The following MSRA variants were observed in gnomAD, a reference collection of about 807,000 sequenced individuals.
MSRA encodes the protein mitochondrial peptide methionine sulfoxide reductase.
In MSRA, 54 loss-of-function variants were observed where a neutral mutation model predicts 31.3. The ratio of observed to expected loss-of-function variants is 1.73; its 90% CI spans 1.39 to 2.17. The LOEUF is 2.17. Among genes scored for constraint, MSRA ranks in the 30% most tolerant of loss-of-function variants. The pLI is 0.00. For missense variants in MSRA, 507 were observed against 300.9 expected, an observed-to-expected ratio of 1.69 and a Z score of -5.07; for synonymous variants, 169 against 116.5, an observed-to-expected ratio of 1.45 and a Z score of -2.90.
chr8:10,228,745 C>G lies in MSRA; in HGVS notation c.212-16359C>G, dbSNP rs116419035. ...CAAGTGGCCTAACCTCTCTGAATCT[C>G]TGTTTTCTCATCCTTAAGTTGGGGC... is the stretch of plus-strand genomic sequence containing the variant. On this transcript the variant is annotated intron_variant, in intron 2 of 5. Transcript: ENST00000317173. Among the ~76,000 whole-genome samples, 1,509 of 152,342 alleles carry G rather than the reference C, an allele frequency of 9.9e-3. 30 individuals carry two copies. The highest frequency in any genetic ancestry group is 0.035 in the African/African-American group (1,448 of 41,584).
intron 1 of MSRA, among the ~76,000 whole-genome samples, chr8:10,193,690 G>T (rs1053409349): frequency 2.0e-5 from 3 of 152,158 alleles, no homozygotes; most frequent in Non-Finnish European, 2.9e-5. Context: ...GCCTGTCTGT[G>T]TCGTGTGTAG....
Position 10,169,658 on chromosome 8 carries a change from A to G in MSRA, c.143-38175A>G, listed in dbSNP as rs141634829. ...AAAATGTTATTCAAAAACATTGTTCAGAAAAATGAAAAGACAAATCTTGCC... is the reference window on the plus strand; with the variant it reads ...AAAATGTTATTCAAAAACATTGTTCGGAAAAATGAAAAGACAAATCTTGCC... On this transcript the variant is annotated intron_variant, in intron 1 of 5. Transcript: ENST00000317173. Among the ~76,000 whole-genome samples, 617 of 152,370 alleles carry G rather than the reference A, an allele frequency of 4.0e-3. 8 individuals are homozygous for G. Among genetic ancestry groups the G allele is most frequent in the African/African-American group, 0.014 (579 of 41,592 alleles).
At chr8:10,412,546 T>C (rs1269052524) in intron 5 of MSRA, among the ~76,000 whole-genome samples, 1 of 152,184 alleles carries the variant, frequency 6.6e-6, no homozygotes, top group Non-Finnish European at 1.5e-5. Context: ...GGTTACGCGT[T>C]TGAAGCCAAA....
At chr8:10,232,662 G>A (rs1345573426) in intron 2 of MSRA, among the ~76,000 whole-genome samples, 1 of 152,164 alleles carries the variant, frequency 6.6e-6, no homozygotes, top group African/African-American at 2.4e-5. Flanking sequence ...GATTTCATAT[G>A]AGAACCCAAA....
chr8:10,160,322 C>T (rs143177047), intron 1 of MSRA, among the ~76,000 whole-genome samples: 2 of 151,912 alleles, frequency 1.3e-5, no homozygotes, highest in African/African-American at 2.4e-5. Flanking sequence ...AGTTAAACTC[C>T]GTCTCTACTA....
intron 1 of MSRA, among the ~76,000 whole-genome samples, chr8:10,055,482 G>C (rs1458311832): frequency 6.6e-6 from 1 of 152,230 alleles, no homozygotes; most frequent in African/African-American, 2.4e-5. Flanking sequence ...GCTTCTCAGA[G>C]TGCCCCCACC....
intron 1 of MSRA, among the ~76,000 whole-genome samples, chr8:10,136,821 C>T (rs928701462): frequency 1.3e-5 from 2 of 152,152 alleles, no homozygotes; most frequent in Non-Finnish European, 2.9e-5. Flanking sequence ...TTGCCCTCTC[C>T]TTCCCCATTC....
At chr8:10,426,227 C>G (rs962557937) in intron 5 of MSRA, among the ~76,000 whole-genome samples, 4 of 152,202 alleles carry the variant, frequency 2.6e-5, no homozygotes, top group African/African-American at 9.7e-5. Flanking sequence ...TGAAAACAGT[C>G]TGGAGCCAAA....
intron 5 of MSRA, among the ~76,000 whole-genome samples, chr8:10,363,536 A>T (rs1194131419): frequency 6.6e-6 from 1 of 152,094 alleles, no homozygotes; most frequent in Non-Finnish European, 1.5e-5. Flanking sequence ...GACGATGTAT[A>T]TTCTCACCTT....
At chr8:10,340,571 C>G (rs1437946904) in intron 5 of MSRA, among the ~76,000 whole-genome samples, 1 of 152,226 alleles carries the variant, frequency 6.6e-6, no homozygotes, top group Admixed American at 6.5e-5. Flanking sequence ...CAGGGCCTCG[C>G]CATGTTGGCC....
intron 4 of MSRA, among the ~76,000 whole-genome samples, chr8:10,314,948 T>C (rs759694154): frequency 2.0e-5 from 3 of 152,172 alleles, no homozygotes; most frequent in Non-Finnish European, 4.4e-5. Flanking sequence ...CTGGGTAATA[T>C]ATAAAGAAAA....
At chr8:10,177,010 G>A (rs1350535222) in intron 1 of MSRA, among the ~76,000 whole-genome samples, 2 of 152,234 alleles carry the variant, frequency 1.3e-5, no homozygotes, top group Non-Finnish European at 2.9e-5. Context: ...GGTTCATGAT[G>A]GAGCTCCTGT....
At chr8:10,385,789 GTT>G (rs1806351516) in intron 5 of MSRA, among the ~76,000 whole-genome samples, 1 of 145,154 alleles carries the variant, frequency 6.9e-6, no homozygotes, top group Non-Finnish European at 1.5e-5. Flanking sequence ...AACTGTGGAT[GTT>G]GTCACTCACC....
At chr8:10,343,017 C>A (rs1803528821) in intron 5 of MSRA, among the ~76,000 whole-genome samples, 1 of 136,668 alleles carries the variant, frequency 7.3e-6, no homozygotes, top group South Asian at 2.4e-4. Context: ...CTTGCATAAG[C>A]ATTACACACA....
intron 1 of MSRA, among the ~76,000 whole-genome samples, chr8:10,130,289 C>T (rs1051248059): frequency 2.0e-5 from 3 of 152,224 alleles, no homozygotes; most frequent in South Asian, 2.1e-4. Context: ...TTCTATCATA[C>T]AGGATAACAA....
Position 10,076,648 on chromosome 8 carries a change from T to C in MSRA, c.142+21990T>C, listed in dbSNP as rs945366412. ...GGAATTTCTTTGCGGGGCAGTGAGCTCCCTTTTGGCAGAAGAAAGAGTCAA... is the reference window on the plus strand; with the variant it reads ...GGAATTTCTTTGCGGGGCAGTGAGCCCCCTTTTGGCAGAAGAAAGAGTCAA... On this transcript the variant is annotated intron_variant, in intron 1 of 5. Coordinates refer to ENST00000317173, the MANE Select transcript of MSRA (RefSeq NM_012331.5). Among the ~76,000 whole-genome samples, 8 of 152,064 alleles carry C rather than the reference T, an allele frequency of 5.3e-5. No homozygotes were observed. The East Asian group carries it at 1.5e-3, about 29-fold the overall frequency.
chr8:10,059,443 C>T (rs553508687), intron 1 of MSRA, among the ~76,000 whole-genome samples: 19 of 152,276 alleles, frequency 1.2e-4, no homozygotes, highest in African/African-American at 3.9e-4. Flanking sequence ...GGGATATGAA[C>T]GTAGTCAGTT....
chr8:10,124,010 G>C (rs559797853), intron 1 of MSRA, among the ~76,000 whole-genome samples: 3 of 151,958 alleles, frequency 2.0e-5, no homozygotes, highest in African/African-American at 7.3e-5. Context: ...AGTTCTGGGA[G>C]GCTGAGGTTG....
chr8:10,293,110 A>G (rs1027692880), intron 3 of MSRA, among the ~76,000 whole-genome samples: 1 of 152,110 alleles, frequency 6.6e-6, no homozygotes, highest in South Asian at 2.1e-4. Flanking sequence ...ATTTACCCCA[A>G]TGGCCAAGGG....
Sources: gnomAD v4.1 joint callset for allele counts (sites outside exome capture counted in the v4.1 genomes callset) on GRCh38, gnomAD v4.1.1 for gene constraint, MANE v1.5 for transcripts, NCBI Gene and HGNC (gene_info 2026-07-23, HGNC 2026-07-21) for gene names.